PRKN: variants seen among roughly 807,000 people sequenced by gnomAD.
PRKN encodes the protein E3 ubiquitin-protein ligase parkin.
Under a neutral mutation model 59.5 loss-of-function variants are expected in PRKN, and 56 were observed. That is an observed-to-expected ratio of 0.94 (90% CI 0.76 to 1.18). The LOEUF is 1.18. PRKN is among the 50% of genes most tolerant of loss of function. The pLI, the probability that PRKN is intolerant of heterozygous loss-of-function variation, is 0.00. For synonymous variants in PRKN, 250 were observed against 222.1 expected, an observed-to-expected ratio of 1.13 and a Z score of -1.12; for missense variants, 657 against 596.4, an observed-to-expected ratio of 1.10 and a Z score of -1.06.
intron 7 of PRKN, among the ~76,000 whole-genome samples, chr6:161,700,889 T>G (rs1018025052): frequency 1.3e-5 from 2 of 152,202 alleles, no homozygotes; most frequent in African/African-American, 4.8e-5. Flanking sequence ...GGAATTGTAA[T>G]GAAGGTTATA....
chr6:161,637,558 T>C (rs968260442), intron 7 of PRKN, among the ~76,000 whole-genome samples: 3 of 152,198 alleles, frequency 2.0e-5, no homozygotes, highest in Non-Finnish European at 4.4e-5. Context: ...CAGCACGACC[T>C]GCCTTTCGTG....
At chr6:161,427,058 C>T (rs1372775225) in intron 9 of PRKN, among the ~76,000 whole-genome samples, 1 of 151,372 alleles carries the variant, frequency 6.6e-6, no homozygotes, top group Non-Finnish European at 1.5e-5. Flanking sequence ...TACTCTGGTC[C>T]ACCATGTGGG....
At chr6:162,569,380 G>A (rs1252885928) in intron 1 of PRKN, 19 of 656,836 alleles carry the variant, frequency 2.9e-5, no homozygotes, top group Admixed American at 9.1e-5. Flanking sequence ...AGGACATGGC[G>A]TGGCAGCTGC....
intron 6 of PRKN, among the ~76,000 whole-genome samples, chr6:161,881,517 T>G (rs1794935247): frequency 6.6e-6 from 1 of 152,204 alleles, no homozygotes; most frequent in East Asian, 1.9e-4. Flanking sequence ...CCACTGCAAA[T>G]ATGCATTCCC....
chr6:161,739,776 A>G (rs1020097903), intron 7 of PRKN, among the ~76,000 whole-genome samples: 2 of 150,902 alleles, frequency 1.3e-5, no homozygotes, highest in Non-Finnish European at 2.9e-5. Flanking sequence ...TTTTTTTGAG[A>G]CGGAGTCTTG....
At chr6:161,711,981 T>A (rs1786767945) in intron 7 of PRKN, among the ~76,000 whole-genome samples, 1 of 151,402 alleles carries the variant, frequency 6.6e-6, no homozygotes, top group South Asian at 2.1e-4. Flanking sequence ...GCTTTTTTGC[T>A]CCTCAACTTG....
At chr6:162,249,904 G>A (rs1053925112) in intron 3 of PRKN, among the ~76,000 whole-genome samples, 1 of 152,114 alleles carries the variant, frequency 6.6e-6, no homozygotes, top group African/African-American at 2.4e-5. Flanking sequence ...CAGCACTTTG[G>A]GAGGCCGAGG....
intron 2 of PRKN, among the ~76,000 whole-genome samples, chr6:162,385,292 C>G (rs546726347): frequency 2.0e-5 from 3 of 152,192 alleles, no homozygotes; most frequent in Middle Eastern, 3.4e-3. Context: ...AACCCCTGTA[C>G]GCCCAACATG....
chr6:161,565,880 T>A (rs1780622235), intron 8 of PRKN, among the ~76,000 whole-genome samples: 2 of 152,246 alleles, frequency 1.3e-5, no homozygotes, highest in South Asian at 4.1e-4. Context: ...CCAATGCTCA[T>A]ACGTCTGTGC....
intron 1 of PRKN, among the ~76,000 whole-genome samples, chr6:162,690,425 A>C (rs1390983072): frequency 6.6e-6 from 1 of 152,212 alleles, no homozygotes; most frequent in Non-Finnish European, 1.5e-5. Context: ...CTCTTAGTTA[A>C]GAGCACAGCT....
chr6:161,736,663 T>C (rs1349869946), intron 7 of PRKN, among the ~76,000 whole-genome samples: 1 of 152,232 alleles, frequency 6.6e-6, no homozygotes, highest in African/African-American at 2.4e-5. Context: ...CTAGGAATAA[T>C]CTGTTAGTAA....
chr6:162,467,800 ACC>A (rs879512620), intron 1 of PRKN, among the ~76,000 whole-genome samples: 52 of 149,938 alleles, frequency 3.5e-4, no homozygotes, highest in African/African-American at 9.2e-4. Context: ...TCCAGCCTCA[ACC>A]CCCTGTCACG....
At chr6:162,127,480 C>G (rs1781170468) in intron 4 of PRKN, among the ~76,000 whole-genome samples, 1 of 152,162 alleles carries the variant, frequency 6.6e-6, no homozygotes, top group Admixed American at 6.6e-5. Flanking sequence ...CTCTTCTTTG[C>G]TATGTTTCTC....
intron 2 of PRKN, among the ~76,000 whole-genome samples, chr6:162,325,836 A>G (rs866719134): frequency 4.6e-5 from 7 of 152,182 alleles, no homozygotes; most frequent in South Asian, 2.1e-4. Flanking sequence ...GTAAAGAGTC[A>G]TATTTGAAAA....
intron 7 of PRKN, among the ~76,000 whole-genome samples, chr6:161,756,167 C>T (rs1421651607): frequency 2.0e-5 from 3 of 152,076 alleles, no homozygotes; most frequent in South Asian, 2.1e-4. Flanking sequence ...CTCGGCCAGA[C>T]GCGGTGGCTC....
intron 6 of PRKN, among the ~76,000 whole-genome samples, chr6:161,885,438 G>T (rs1430936654): frequency 1.3e-5 from 2 of 152,136 alleles, no homozygotes; most frequent in East Asian, 3.9e-4. Flanking sequence ...GCCGAGGCGG[G>T]CAGATCACGA....
At chr6:161,934,896 A>G (rs1246847441) in intron 6 of PRKN, among the ~76,000 whole-genome samples, 1 of 152,180 alleles carries the variant, frequency 6.6e-6, no homozygotes, top group Non-Finnish European at 1.5e-5. Flanking sequence ...GAGATCTCCC[A>G]AATGGCCCTG....
chr6:161,631,238 T>A (rs1783297257), intron 7 of PRKN, among the ~76,000 whole-genome samples: 2 of 152,312 alleles, frequency 1.3e-5, no homozygotes, highest in East Asian at 1.9e-4. Flanking sequence ...ATAGATAGAA[T>A]TTTTTCTGAG....
At chr6:162,552,322 C>T (rs1038041100) in intron 1 of PRKN, among the ~76,000 whole-genome samples, 3 of 151,978 alleles carry the variant, frequency 2.0e-5, no homozygotes, top group South Asian at 2.1e-4. Flanking sequence ...GTGAAGGGAC[C>T]GATCTACGTT....
Sources: allele counts gnomAD v4.1 joint callset (sites outside exome capture counted in the v4.1 genomes callset), GRCh38; gene constraint gnomAD v4.1.1; transcripts MANE v1.5; gene names NCBI Gene and HGNC (gene_info 2026-07-23, HGNC 2026-07-21).